CLNK: variants seen among roughly 807,000 people sequenced by gnomAD.
The protein encoded by CLNK is cytokine-dependent hematopoietic cell linker.
CLNK carries 74 observed loss-of-function variants against 68.6 expected under a neutral mutation model. The ratio of observed to expected loss-of-function variants is 1.08; its 90% CI spans 0.89 to 1.31. The LOEUF (loss-of-function observed/expected upper bound fraction) is 1.31, where lower values mean the gene tolerates loss of function less well. CLNK is among the 50% of genes most tolerant of loss of function. The pLI is 0.00. For synonymous variants in CLNK, 198 were observed against 172.2 expected (o/e 1.15, Z -1.17); for missense variants, 553 against 515.3 (o/e 1.07, Z -0.71).
In CLNK at chr4:10,610,550, C is replaced by T. The variant is rs116826324; in HGVS notation, c.12-12501G>A. 1.7e-3 allele frequency among the ~76,000 whole-genome samples: 260 copies of T among 152,154 alleles called. 1 individual carries two copies. The highest frequency in any genetic ancestry group is 6.0e-3 in the African/African-American group (248 of 41,522). On this transcript the variant is annotated intron_variant, in intron 2 of 18. Coordinates refer to ENST00000226951, the MANE Select transcript of CLNK (RefSeq NM_052964.4). ...ATAAATGAACCTAGACAAAGAGAGG[C>T]CTTACATCTCATTTTTCAAATGCTT...
chr4:10,572,234 A>G lies in CLNK; in HGVS notation c.113-456T>C, dbSNP rs7673069. On this transcript the variant is annotated intron_variant, in intron 4 of 18. Coordinates refer to ENST00000226951, the MANE Select transcript of CLNK (RefSeq NM_052964.4). ...TACATCTGTCTCCTGAATAGACTAT[A>G]AGTATTTTGAGGACAGAAGTCATAG... Among the ~76,000 whole-genome samples the G allele has an allele frequency of 8.0e-3, 1,218 of 152,372 alleles. 25 individuals are homozygous for G. The highest frequency in any genetic ancestry group is 0.064 in the East Asian group (333 of 5,188).
At chr4:10,511,472 T>A (rs567286097) in intron 16 of CLNK, among the ~76,000 whole-genome samples, 15 of 152,352 alleles carry the variant, frequency 9.8e-5, no homozygotes, top group African/African-American at 3.4e-4. Context: ...AAGTTTCTAA[T>A]GACTCCAAAC....
At chr4:10,675,362 T>C (rs1724828371) in intron 1 of CLNK, among the ~76,000 whole-genome samples, 1 of 152,210 alleles carries the variant, frequency 6.6e-6, no homozygotes, top group South Asian at 2.1e-4. Context: ...ACTTGTTTTA[T>C]AAATAGGCTG....
chr4:10,646,023 T>C (rs1466997533), intron 2 of CLNK, among the ~76,000 whole-genome samples: 5 of 152,176 alleles, frequency 3.3e-5, no homozygotes, highest in Non-Finnish European at 5.9e-5. Flanking sequence ...ATATGATTTA[T>C]ATATGGGGGT....
chr4:10,535,473 A>C (rs183996870), intron 11 of CLNK, among the ~76,000 whole-genome samples: 174 of 152,350 alleles, frequency 1.1e-3, no homozygotes, highest in Admixed American at 1.8e-3. Context: ...TTGTGTGACT[A>C]AATGAATTAA....
chr4:10,670,932 T>C (rs1452928757), intron 1 of CLNK, among the ~76,000 whole-genome samples: 2 of 152,248 alleles, frequency 1.3e-5, no homozygotes, highest in African/African-American at 4.8e-5. Flanking sequence ...TAAACCTCTG[T>C]ATATTATTTG....
the CLNK span, among the ~76,000 whole-genome samples, chr4:10,713,201 G>A: frequency 6.6e-6 from 1 of 152,254 alleles, no homozygotes; most frequent in Non-Finnish European, 1.5e-5. Context: ...ACAGAGATCT[G>A]GAATCTGAAT....
At chr4:10,634,275 G>A (rs578107998) in intron 2 of CLNK, among the ~76,000 whole-genome samples, 2 of 152,242 alleles carry the variant, frequency 1.3e-5, no homozygotes, top group Admixed American at 6.5e-5. Flanking sequence ...AGGAAGTTTT[G>A]GATATAAAAG....
intron 2 of CLNK, among the ~76,000 whole-genome samples, chr4:10,655,124 AT>A (rs1480604834): frequency 6.9e-6 from 1 of 144,822 alleles, no homozygotes; most frequent in African/African-American, 2.5e-5. Context: ...AAAAAAAAGG[AT>A]TTCTCAAAAA....
intron 1 of CLNK, among the ~76,000 whole-genome samples, chr4:10,681,447 C>T (rs181923304): frequency 6.6e-6 from 1 of 152,128 alleles, no homozygotes; most frequent in African/African-American, 2.4e-5. Context: ...ACAGAACCTA[C>T]CACTGTTAAA....
the CLNK span, among the ~76,000 whole-genome samples, chr4:10,704,934 TC>T: frequency 6.6e-6 from 1 of 152,200 alleles, no homozygotes; most frequent in African/African-American, 2.4e-5. Flanking sequence ...CCTAAATGTG[TC>T]CAGTGGTACC....
At chr4:10,593,420 T>G (rs1721263043) in intron 3 of CLNK, among the ~76,000 whole-genome samples, 1 of 151,924 alleles carries the variant, frequency 6.6e-6, no homozygotes, top group Non-Finnish European at 1.5e-5. Context: ...TTTGGGAGGC[T>G]GAGGTGGGTG....
At chr4:10,624,975 G>A (rs532493972) in intron 2 of CLNK, among the ~76,000 whole-genome samples, 5 of 152,224 alleles carry the variant, frequency 3.3e-5, no homozygotes, top group African/African-American at 1.2e-4. Context: ...CAAGAGTCTG[G>A]GATGTCTTTC....
intron 2 of CLNK, among the ~76,000 whole-genome samples, chr4:10,629,177 C>T (rs1443899883): frequency 2.0e-5 from 3 of 152,140 alleles, no homozygotes; most frequent in Non-Finnish European, 2.9e-5. Context: ...ATTCTGAGGG[C>T]TCCCGTGTCA....
chr4:10,548,576 G>T (rs910109439), intron 8 of CLNK, among the ~76,000 whole-genome samples: 16 of 152,086 alleles, frequency 1.1e-4, no homozygotes, highest in Non-Finnish European at 8.8e-5. Context: ...AAAGTCATTG[G>T]CAAGATACAA....
At chr4:10,522,206 C>T (rs530895089) in intron 14 of CLNK, among the ~76,000 whole-genome samples, 9 of 148,140 alleles carry the variant, frequency 6.1e-5, no homozygotes, top group African/African-American at 2.0e-4. Flanking sequence ...TGCAGTGAGC[C>T]GAGATCGCGC....
At chr4:10,725,052 T>TATCA in the CLNK span, among the ~76,000 whole-genome samples, 1 of 152,186 alleles carries the variant, frequency 6.6e-6, no homozygotes, top group Non-Finnish European at 1.5e-5. Flanking sequence ...TCTGACCTTC[T>TATCA]ATCAGTTGAG....
rs114993677 is a variant in CLNK, at chr4:10,648,845, C to A, written c.11+19014G>T. ...ATCTCAATCATCTCATGCATCTTAT[C>A]GACTTCACATTTCCCTGACAATGAG... On this transcript the variant is annotated intron_variant, in intron 2 of 18. Coordinates refer to ENST00000226951, the MANE Select transcript of CLNK (RefSeq NM_052964.4). Among the ~76,000 whole-genome samples the A allele has an allele frequency of 1.7e-3, 257 of 152,266 alleles. 5 individuals carry two copies. Among genetic ancestry groups the A allele is most frequent in the Non-Finnish European group, 1.8e-3 (124 of 68,004 alleles).
intron 7 of CLNK, among the ~76,000 whole-genome samples, chr4:10,561,261 C>G (rs912535898): frequency 2.0e-5 from 3 of 152,156 alleles, no homozygotes; most frequent in African/African-American, 7.2e-5. Flanking sequence ...GACAACTCCC[C>G]TCTGAAATTT....
Sources: gnomAD v4.1 joint callset for allele counts (sites outside exome capture counted in the v4.1 genomes callset) on GRCh38, gnomAD v4.1.1 for gene constraint, MANE v1.5 for transcripts, NCBI Gene and HGNC (gene_info 2026-07-23, HGNC 2026-07-21) for gene names.